NUDCD1: variants seen among roughly 807,000 people sequenced by gnomAD.
NUDCD1 encodes the protein nudC domain-containing protein 1.
In NUDCD1, 60 loss-of-function variants were observed where a neutral mutation model predicts 67.8. That is an observed-to-expected ratio of 0.88 (90% confidence interval 0.72 to 1.10). The LOEUF is 1.10. NUDCD1 is among the 50% of genes least tolerant of loss of function. The pLI, the probability that NUDCD1 is intolerant of heterozygous loss-of-function variation, is 0.00. For missense variants in NUDCD1, 643 were observed against 695.0 expected, an observed-to-expected ratio of 0.93 and a Z score of 0.84; for synonymous variants, 244 against 230.8, an observed-to-expected ratio of 1.06 and a Z score of -0.52.
chr8:109,324,023 T>C (rs781678812), intron 1 of NUDCD1, among the ~76,000 whole-genome samples: 10 of 151,944 alleles, frequency 6.6e-5, no homozygotes, highest in African/African-American at 1.7e-4. Flanking sequence ...CTCAAAAGCA[T>C]AGGCAAGAAA....
chr8:109,329,058 C>T (rs1441585781), intron 1 of NUDCD1, among the ~76,000 whole-genome samples: 1 of 151,562 alleles, frequency 6.6e-6, no homozygotes, highest in Non-Finnish European at 1.5e-5. Context: ...TTAAATCAAA[C>T]TTCTAGATGT....
intron 2 of NUDCD1, among the ~76,000 whole-genome samples, chr8:109,312,298 CAAAAAAAAAAA>C (rs5893951): frequency 2.4e-5 from 2 of 82,610 alleles, no homozygotes; most frequent in Admixed American, 1.4e-4. Flanking sequence ...GAGACACTGT[CAAAAAAAAAAA>C]AAAAAAAAAA....
chr8:109,271,436 T>C (rs547543075), intron 7 of NUDCD1, among the ~76,000 whole-genome samples: 1 of 151,854 alleles, frequency 6.6e-6, no homozygotes, highest in Non-Finnish European at 1.5e-5. Context: ...AAATCTGAAA[T>C]GAAAAACAAA....
chr8:109,301,521 G>A (rs1209696216), intron 2 of NUDCD1, among the ~76,000 whole-genome samples: 1 of 152,200 alleles, frequency 6.6e-6, no homozygotes, highest in Non-Finnish European at 1.5e-5. Context: ...ACCCGGGACA[G>A]GAGGACTCCT....
chr8:109,271,897 A>G (rs1345516586), intron 7 of NUDCD1, among the ~76,000 whole-genome samples: 3 of 152,126 alleles, frequency 2.0e-5, no homozygotes, highest in African/African-American at 4.8e-5. Flanking sequence ...AAGGTGTAAG[A>G]GAAAAAAACA....
At chr8:109,331,689 T>C (rs1815812231) in intron 1 of NUDCD1, among the ~76,000 whole-genome samples, 1 of 152,228 alleles carries the variant, frequency 6.6e-6, no homozygotes, top group Admixed American at 6.5e-5. Flanking sequence ...GAGATTTTGC[T>C]TCCTGCTTTT....
chr8:109,322,853 T>TAA (rs113232622), intron 1 of NUDCD1, among the ~76,000 whole-genome samples: 10,872 of 152,218 alleles, frequency 0.071, 1,252 homozygotes, highest in African/African-American at 0.24. Flanking sequence ...AAAAATGTTT[T>TAA]AATATACTAT....
At chr8:109,293,811 G>C (rs1185034433) in intron 3 of NUDCD1, among the ~76,000 whole-genome samples, 1 of 152,030 alleles carries the variant, frequency 6.6e-6, no homozygotes, top group East Asian at 1.9e-4. Context: ...GAGTGTGCAT[G>C]TGTGTATGCC....
At chr8:109,310,218 A>G (rs1308150407) in intron 2 of NUDCD1, among the ~76,000 whole-genome samples, 1 of 152,208 alleles carries the variant, frequency 6.6e-6, no homozygotes, top group East Asian at 1.9e-4. Context: ...ATTTCAAACT[A>G]TACTATAAGA....
intron 5 of NUDCD1, among the ~76,000 whole-genome samples, chr8:109,283,576 G>A (rs747266540): frequency 1.3e-5 from 2 of 152,188 alleles, no homozygotes. Context: ...TAGGCTAACA[G>A]CAGACTTCTC....
intron 8 of NUDCD1, among the ~76,000 whole-genome samples, chr8:109,270,113 T>C (rs1814111290): frequency 7.7e-6 from 1 of 130,098 alleles, no homozygotes; most frequent in South Asian, 2.5e-4. Flanking sequence ...AATATATGCA[T>C]ATATGGCACA....
At chr8:109,298,988 T>A (rs1231138622) in intron 2 of NUDCD1, 1 of 152,442 alleles carries the variant, frequency 6.6e-6, no homozygotes, top group African/African-American at 2.4e-5. Flanking sequence ...CACCCCCACT[T>A]GGAACCTGAA....
chr8:109,277,660 C>A (rs1273101463), intron 6 of NUDCD1, among the ~76,000 whole-genome samples: 1 of 152,126 alleles, frequency 6.6e-6, no homozygotes, highest in Non-Finnish European at 1.5e-5. Flanking sequence ...AAATAATAAT[C>A]AAACACCTCA....
chr8:109,245,262 T>C, intron 9 of NUDCD1, 60 bp downstream of exon 9: 1 of 1,482,122 alleles, frequency 6.7e-7, no homozygotes, highest in Non-Finnish European at 9.2e-7. Flanking sequence ...AAATGAACTT[T>C]AAATGAATGA....
chr8:109,262,248 T>G (rs1172138288), intron 8 of NUDCD1, among the ~76,000 whole-genome samples: 1 of 152,236 alleles, frequency 6.6e-6, no homozygotes, highest in Admixed American at 6.5e-5. Context: ...TTTCCAAATG[T>G]TAATGCCCCC....
chr8:109,241,045 T>A lies in NUDCD1; in HGVS notation c.*1964A>T, dbSNP rs1308957703. On this transcript the variant is annotated 3_prime_UTR_variant, in exon 10 of 10. Coordinates refer to ENST00000239690, the MANE Select transcript of NUDCD1 (RefSeq NM_032869.4). The stretch of plus-strand genomic sequence containing the variant: ...TTAGCACTTGTAGTATATATCTCAA[T>A]GTTCTAAGTATATGTACCTTAGAAC... 4 of 152,286 alleles carry A rather than the reference T, an allele frequency of 2.6e-5. No homozygotes were observed. In the East Asian group the frequency reaches 7.7e-4, roughly 29 times the overall value. The allele number at this position is 152,286 out of a possible 1,614,324, so 9.4% of individuals were successfully genotyped here. A position where few individuals can be genotyped will look rare whatever the true frequency, so the allele number is the denominator to read the frequency against.
At chr8:109,284,270 G>C (rs568730588) in intron 5 of NUDCD1, among the ~76,000 whole-genome samples, 91 of 152,230 alleles carry the variant, frequency 6.0e-4, no homozygotes, top group African/African-American at 2.1e-3. Flanking sequence ...CTCAACATTG[G>C]AGCACCCTGA....
intron 2 of NUDCD1, among the ~76,000 whole-genome samples, chr8:109,307,810 G>A (rs1200847749): frequency 6.6e-6 from 1 of 152,112 alleles, no homozygotes; most frequent in Non-Finnish European, 1.5e-5. Context: ...CCAAAAACGA[G>A]CAGAAGTAGC....
chr8:109,248,098 G>A (rs1813539417), intron 8 of NUDCD1, among the ~76,000 whole-genome samples: 1 of 152,178 alleles, frequency 6.6e-6, no homozygotes, highest in South Asian at 2.1e-4. Flanking sequence ...ACAAAATCAA[G>A]GGGATAGACA....
Sources: allele counts gnomAD v4.1 joint callset (sites outside exome capture counted in the v4.1 genomes callset), GRCh38; gene constraint gnomAD v4.1.1; transcripts MANE v1.5; gene names NCBI Gene and HGNC (gene_info 2026-07-23, HGNC 2026-07-21).